Variants in AKT3 observed in about 807,000 individuals in gnomAD.
AKT3 encodes AKT serine/threonine kinase 3, also known as RAC-gamma serine/threonine-protein kinase.
Under a neutral mutation model 65.3 loss-of-function variants are expected in AKT3, and 15 were observed. That is an observed-to-expected ratio of 0.23 (90% CI 0.15 to 0.35). AKT3 has a LOEUF of 0.35. Ranked by LOEUF, AKT3 falls within the 10% of genes least tolerant of loss-of-function variation. AKT3 has a pLI of 1.00. For synonymous variants in AKT3, 206 were observed against 183.8 expected (o/e 1.12, Z -0.98); for missense variants, 243 against 576.5 (o/e 0.42, Z 5.92).
intron 4 of AKT3, among the ~76,000 whole-genome samples, chr1:243,664,045 G>C (rs960331607): frequency 3.3e-5 from 5 of 152,036 alleles, no homozygotes. Context: ...TAGCAACTTA[G>C]TGCTCCAGAC....
At chr1:243,794,791 G>C (rs967103129) in intron 2 of AKT3, among the ~76,000 whole-genome samples, 2 of 152,218 alleles carry the variant, frequency 1.3e-5, no homozygotes, top group Non-Finnish European at 2.9e-5. Context: ...AGTCCAAATA[G>C]AGCAAAGCAC....
In AKT3 at chr1:243,603,792, C is replaced by T. The variant is rs149424071; in HGVS notation, c.696+9879G>A. Among the ~76,000 whole-genome samples the T allele has an allele frequency of 5.7e-4, 86 of 152,032 alleles. 1 individual carries two copies. The highest frequency in any genetic ancestry group is 1.9e-3 in the African/African-American group (80 of 41,498). ...ATTCCCCAAGCAGCAAACAGGAAATCATATGATACTTCTCTGCATATTTAT... is the reference window on the plus strand; with the variant it reads ...ATTCCCCAAGCAGCAAACAGGAAATTATATGATACTTCTCTGCATATTTAT... On this transcript the variant is annotated intron_variant, in intron 8 of 13. Coordinates refer to ENST00000673466, the MANE Select transcript of AKT3 (RefSeq NM_005465.7).
chr1:243,594,319 A>T (rs948209054), intron 8 of AKT3, among the ~76,000 whole-genome samples: 3 of 152,236 alleles, frequency 2.0e-5, no homozygotes, highest in Non-Finnish European at 4.4e-5. Flanking sequence ...TCTTAAATAG[A>T]TTTATGGATT....
At chr1:243,600,280 G>A (rs1254090881) in intron 8 of AKT3, among the ~76,000 whole-genome samples, 3 of 152,050 alleles carry the variant, frequency 2.0e-5, no homozygotes, top group Non-Finnish European at 4.4e-5. Context: ...AATCCAGGAG[G>A]CTTTTATGTA....
intron 12 of AKT3, among the ~76,000 whole-genome samples, chr1:243,525,256 C>G (rs1234477640): frequency 6.6e-6 from 1 of 152,146 alleles, no homozygotes; most frequent in Non-Finnish European, 1.5e-5. Context: ...TCCATGATGA[C>G]TGGCCTAAGA....
At chr1:243,849,386 A>ACACC (rs1695655591) in intron 1 of AKT3, among the ~76,000 whole-genome samples, 1 of 107,020 alleles carries the variant, frequency 9.3e-6, no homozygotes, top group African/African-American at 3.9e-5. Flanking sequence ...CCACACACAC[A>ACACC]CCCCCCCCCC....
intron 8 of AKT3, among the ~76,000 whole-genome samples, chr1:243,597,974 A>T (rs1258668301): frequency 6.6e-6 from 1 of 152,208 alleles, no homozygotes; most frequent in African/African-American, 2.4e-5. Flanking sequence ...TTGCAATAGA[A>T]AAAAATTATT....
intron 13 of AKT3, among the ~76,000 whole-genome samples, chr1:243,505,659 G>A (rs946808126): frequency 2.0e-5 from 3 of 152,170 alleles, no homozygotes; most frequent in African/African-American, 7.2e-5. Context: ...TTCATTTCAT[G>A]TAACCACATA....
chr1:243,620,218 C>T lies in AKT3; in HGVS notation c.562-5057G>A, dbSNP rs770807219. ...CCTCTTCACACACTCGCCCTTTCTT[C>T]GCCTGATACCACACAAGACATGCCT... On this transcript the variant is annotated intron_variant, in intron 6 of 13. Transcript: ENST00000673466. Among the ~76,000 whole-genome samples, 9 of 98,266 alleles carry T rather than the reference C, an allele frequency of 9.2e-5. 3 individuals carry two copies. Among genetic ancestry groups the T allele is most frequent in the Non-Finnish European group, 1.7e-4 (6 of 35,098 alleles). 64.5% of individuals were successfully genotyped at this position (98,266 alleles called of 152,430 possible).
intron 13 of AKT3, among the ~76,000 whole-genome samples, chr1:243,508,916 C>A (rs986947733): frequency 6.6e-6 from 1 of 152,102 alleles, no homozygotes; most frequent in African/African-American, 2.4e-5. Flanking sequence ...AAGTGATCCA[C>A]CCGCCTTGGC....
intron 10 of AKT3, among the ~76,000 whole-genome samples, chr1:243,561,559 C>G (rs968454384): frequency 6.6e-6 from 1 of 152,112 alleles, no homozygotes; most frequent in African/African-American, 2.4e-5. Context: ...CATTTGCTAT[C>G]TATCATCAAA....
intron 5 of AKT3, among the ~76,000 whole-genome samples, chr1:243,639,672 C>G (rs1194608108): frequency 6.6e-6 from 1 of 152,158 alleles, no homozygotes; most frequent in Non-Finnish European, 1.5e-5. Context: ...ACTGTCAGTT[C>G]TGGGAATTCC....
chr1:243,640,689 T>A (rs1261298408), intron 5 of AKT3, among the ~76,000 whole-genome samples: 2 of 151,916 alleles, frequency 1.3e-5, no homozygotes, highest in Non-Finnish European at 2.9e-5. Context: ...CCCAGACACA[T>A]AAGGAAGGTT....
At chr1:243,671,322 C>T (rs1248245081) in intron 3 of AKT3, among the ~76,000 whole-genome samples, 6 of 152,100 alleles carry the variant, frequency 3.9e-5, no homozygotes, top group Non-Finnish European at 5.9e-5. Flanking sequence ...CCTCATGATC[C>T]GCCCACCTCG....
intron 12 of AKT3, among the ~76,000 whole-genome samples, chr1:243,535,645 G>C (rs564555081): frequency 6.6e-6 from 1 of 152,300 alleles, no homozygotes; most frequent in East Asian, 1.9e-4. Flanking sequence ...GACTTAGGTT[G>C]ATTCCCTATC....
chr1:243,686,524 A>T (rs914721913), intron 3 of AKT3, among the ~76,000 whole-genome samples: 3 of 150,512 alleles, frequency 2.0e-5, no homozygotes, highest in African/African-American at 7.3e-5. Context: ...AATGTAATTT[A>T]GCTAAAGGAG....
Position 243,797,870 on chromosome 1 carries a change from A to C in AKT3, c.46+45255T>G, listed in dbSNP as rs538518846. ...AAAAGTTAGGATAACAAAAAAAAAAACCAAAAAACAGTTTTTCTTTTTTTT... is the reference window on the plus strand; with the variant it reads ...AAAAGTTAGGATAACAAAAAAAAAACCCAAAAAACAGTTTTTCTTTTTTTT... On this transcript the variant is annotated intron_variant, in intron 2 of 13. Coordinates refer to ENST00000673466, the MANE Select transcript of AKT3 (RefSeq NM_005465.7). 2.1e-4 allele frequency among the ~76,000 whole-genome samples: 32 copies of C among 149,158 alleles called. No homozygotes were observed. The East Asian group carries it at 2.9e-3, about 14-fold the overall frequency.
At chr1:243,514,646 A>G (rs551969404) in intron 12 of AKT3, among the ~76,000 whole-genome samples, 2 of 152,174 alleles carry the variant, frequency 1.3e-5, no homozygotes, top group Non-Finnish European at 2.9e-5. Flanking sequence ...ATTAACATAC[A>G]CTAAACAGCA....
At chr1:243,850,434 G>A (rs1238294515), upstream of AKT3, among the ~76,000 whole-genome samples, 3 of 151,156 alleles carry the variant, frequency 2.0e-5, no homozygotes, top group African/African-American at 7.3e-5. Context: ...TCGGGCGGGG[G>A]CCGGGTCACG....
Sources: gnomAD v4.1 joint callset for allele counts (sites outside exome capture counted in the v4.1 genomes callset) on GRCh38, gnomAD v4.1.1 for gene constraint, MANE v1.5 for transcripts, NCBI Gene and HGNC (gene_info 2026-07-23, HGNC 2026-07-21) for gene names.